TAS2R1: variants seen among roughly 807,000 people sequenced by gnomAD.
TAS2R1 encodes taste 2 receptor member 1.
For missense variants in TAS2R1, 370 were observed against 353.4 expected (o/e 1.05, Z -0.38); for synonymous variants, 141 against 134.2 (o/e 1.05, Z -0.35).
At chr5:9,802,991 C>G in the TAS2R1 span, among the ~76,000 whole-genome samples, 1 of 152,030 alleles carries the variant, frequency 6.6e-6, no homozygotes, top group African/African-American at 2.4e-5. Flanking sequence ...TTAAAGAAAT[C>G]AAAAACCTGA....
the TAS2R1 span, among the ~76,000 whole-genome samples, chr5:9,902,400 T>G: frequency 6.6e-6 from 1 of 151,950 alleles, no homozygotes; most frequent in Non-Finnish European, 1.5e-5. Flanking sequence ...ACCCCCAAAT[T>G]TAACCCAGCC....
the TAS2R1 span, among the ~76,000 whole-genome samples, chr5:9,862,074 T>C: frequency 1.3e-5 from 2 of 152,100 alleles, no homozygotes; most frequent in African/African-American, 4.8e-5. Flanking sequence ...TGAAAATGAT[T>C]ACCAGATGAT....
At chr5:9,708,952 T>C (rs1480508897) in intron 1 of TAS2R1, among the ~76,000 whole-genome samples, 2 of 152,096 alleles carry the variant, frequency 1.3e-5, no homozygotes, top group Non-Finnish European at 2.9e-5. Flanking sequence ...CCAGGCACCA[T>C]GCTCCCACAC....
the TAS2R1 span, among the ~76,000 whole-genome samples, chr5:9,792,406 A>G: frequency 6.6e-6 from 1 of 152,218 alleles, no homozygotes. Context: ...GGGATTGATG[A>G]CATGATTACT....
the TAS2R1 span, among the ~76,000 whole-genome samples, chr5:9,777,983 C>G: frequency 6.6e-6 from 1 of 151,642 alleles, no homozygotes; most frequent in African/African-American, 2.4e-5. Context: ...CGGGTTCACG[C>G]CATTCTCCTG....
the TAS2R1 span, among the ~76,000 whole-genome samples, chr5:9,888,163 C>G: frequency 4.6e-5 from 7 of 152,046 alleles, no homozygotes. Flanking sequence ...CTGCCCAGAT[C>G]CTCTTTCCCC....
At chr5:9,751,986 G>T in the TAS2R1 span, among the ~76,000 whole-genome samples, 4 of 152,120 alleles carry the variant, frequency 2.6e-5, no homozygotes, top group Non-Finnish European at 5.9e-5. Flanking sequence ...ACTTTCATTT[G>T]AACATAGAAA....
intron 1 of TAS2R1, among the ~76,000 whole-genome samples, chr5:9,683,507 C>T (rs983370370): frequency 2.6e-5 from 4 of 152,166 alleles, no homozygotes; most frequent in Non-Finnish European, 4.4e-5. Flanking sequence ...CATCCTAATG[C>T]TCAAGCAGAC....
chr5:9,811,340 T>C, the TAS2R1 span, among the ~76,000 whole-genome samples: 1 of 152,218 alleles, frequency 6.6e-6, no homozygotes, highest in African/African-American at 2.4e-5. Flanking sequence ...CGACATTTTG[T>C]TATAGCAGTC....
At chr5:9,789,736 C>G in the TAS2R1 span, among the ~76,000 whole-genome samples, 1 of 152,198 alleles carries the variant, frequency 6.6e-6, no homozygotes, top group African/African-American at 2.4e-5. Flanking sequence ...CTAGGCAATT[C>G]TTCTCCACAC....
At chr5:9,766,484 T>C in the TAS2R1 span, among the ~76,000 whole-genome samples, 1 of 152,168 alleles carries the variant, frequency 6.6e-6, no homozygotes, top group Non-Finnish European at 1.5e-5. Context: ...GAAGCAGGAT[T>C]TTCTACATGC....
the TAS2R1 span, among the ~76,000 whole-genome samples, chr5:9,826,108 A>G: frequency 1.3e-5 from 2 of 152,012 alleles, no homozygotes; most frequent in Non-Finnish European, 2.9e-5. Context: ...CATTTACATT[A>G]CATTTAACAT....
the TAS2R1 span, among the ~76,000 whole-genome samples, chr5:9,881,432 C>T: frequency 6.6e-6 from 1 of 152,096 alleles, no homozygotes; most frequent in South Asian, 2.1e-4. Flanking sequence ...GGCCATAGTG[C>T]CCAAGTAATT....
chr5:9,666,267 A>G (rs1463767703), intron 1 of TAS2R1, among the ~76,000 whole-genome samples: 1 of 152,200 alleles, frequency 6.6e-6, no homozygotes, highest in Non-Finnish European at 1.5e-5. Context: ...AGTTACAACA[A>G]TCTCCATGAC....
At chr5:9,691,025 T>C (rs543817340) in intron 1 of TAS2R1, among the ~76,000 whole-genome samples, 3 of 152,324 alleles carry the variant, frequency 2.0e-5, no homozygotes, top group South Asian at 4.1e-4. Flanking sequence ...TGCACTGTCA[T>C]GGGTTGGATG....
the TAS2R1 span, among the ~76,000 whole-genome samples, chr5:9,863,409 C>T: frequency 4.0e-5 from 6 of 151,746 alleles, no homozygotes; most frequent in African/African-American, 2.4e-5. Flanking sequence ...GTAGCTGGGA[C>T]GTGGGCTCCC....
chr5:9,722,244 T>A, the TAS2R1 span, among the ~76,000 whole-genome samples: 1 of 152,252 alleles, frequency 6.6e-6, no homozygotes, highest in Admixed American at 6.5e-5. Flanking sequence ...TGTCTCTGAC[T>A]GCAACCTCAT....
At chr5:9,835,459 T>C in the TAS2R1 span, among the ~76,000 whole-genome samples, 1 of 152,184 alleles carries the variant, frequency 6.6e-6, no homozygotes, top group Non-Finnish European at 1.5e-5. Context: ...TGCCTGTCAA[T>C]AAGAACAGAG....
the TAS2R1 span, among the ~76,000 whole-genome samples, chr5:9,880,361 G>T: frequency 2.0e-5 from 3 of 152,176 alleles, no homozygotes; most frequent in African/African-American, 4.8e-5. Flanking sequence ...GAAGGAGAAA[G>T]AATTTGTTCC....
Sources: allele counts gnomAD v4.1 joint callset (sites outside exome capture counted in the v4.1 genomes callset), GRCh38; gene constraint gnomAD v4.1.1; transcripts MANE v1.5; gene names NCBI Gene and HGNC (gene_info 2026-07-23, HGNC 2026-07-21).